The following PCDHGB2 variants were observed in gnomAD, a reference collection of about 807,000 sequenced individuals.
PCDHGB2 encodes protocadherin gamma-B2.
Under a neutral mutation model 59.3 loss-of-function variants are expected in PCDHGB2, and 55 were observed. That is an observed-to-expected ratio of 0.93 (90% confidence interval 0.75 to 1.16). PCDHGB2 has a LOEUF of 1.16. PCDHGB2 is among the 50% of genes most tolerant of loss of function. The pLI is 0.00. For missense variants in PCDHGB2, 1,228 were observed against 1,198.5 expected, an observed-to-expected ratio of 1.02 and a Z score of -0.36; for synonymous variants, 516 against 512.0, an observed-to-expected ratio of 1.01 and a Z score of -0.11.
chr5:141,376,072 C>G (rs755171325), intron 1 of PCDHGB2: 9 of 1,613,498 alleles, frequency 5.6e-6, no homozygotes, highest in Middle Eastern at 1.7e-4. Flanking sequence ...TCACCGTGGC[C>G]GTGGCCGACA....
At chr5:141,393,730 G>A in intron 1 of PCDHGB2, 1 of 1,613,842 alleles carries the variant, frequency 6.2e-7, no homozygotes, top group Non-Finnish European at 8.5e-7. Context: ...ATAGCAAAAA[G>A]TCTAGATTAT....
Position 141,481,023 on chromosome 5 carries a change from A to G in PCDHGB2, c.2422-13784A>G, listed in dbSNP as rs546827260. On this transcript the variant is annotated intron_variant, in intron 1 of 3. Transcript: ENST00000522605. ...CAGTGAGCCCAGATCACACCACTGC[A>G]CTCCAGCCTGGGCGACAGAGCGAGA... Among the ~76,000 whole-genome samples the G allele has an allele frequency of 9.0e-4, 137 of 152,218 alleles. 1 individual carries two copies. The highest frequency in any genetic ancestry group is 3.2e-3 in the African/African-American group (132 of 41,516).
intron 1 of PCDHGB2, chr5:141,403,598 G>T: frequency 6.2e-7 from 1 of 1,613,820 alleles, no homozygotes; most frequent in Non-Finnish European, 8.5e-7. Context: ...CACGGCCTCG[G>T]ATGGCGGCGA....
intron 1 of PCDHGB2, chr5:141,422,399 T>A: frequency 1.3e-6 from 2 of 1,598,374 alleles, no homozygotes; most frequent in Non-Finnish European, 1.7e-6. Context: ...CCTAACCACC[T>A]GCCTTTTAAA....
At chr5:141,394,001 G>C in intron 1 of PCDHGB2, 1 of 1,613,458 alleles carries the variant, frequency 6.2e-7, no homozygotes, top group Non-Finnish European at 8.5e-7. Flanking sequence ...AATTAGAAAA[G>C]TCAATAGGTA....
chr5:141,372,863 G>T, intron 1 of PCDHGB2: 2 of 1,395,300 alleles, frequency 1.4e-6, no homozygotes, highest in Non-Finnish European at 1.9e-6. Context: ...TCAATTCATT[G>T]ATTTAGAGAT....
At chr5:141,510,321 CA>C (rs1376271166) in intron 3 of PCDHGB2, among the ~76,000 whole-genome samples, 1 of 150,840 alleles carries the variant, frequency 6.6e-6, no homozygotes, top group Non-Finnish European at 1.5e-5. Context: ...CTTGGAAGAG[CA>C]CTCTTCACCC....
intron 1 of PCDHGB2, chr5:141,390,762 C>T (rs2092226751): frequency 6.0e-6 from 1 of 166,616 alleles, no homozygotes; most frequent in African/African-American, 2.4e-5. Context: ...GTTTTGTTTC[C>T]TGTGTTAACT....
intron 1 of PCDHGB2, among the ~76,000 whole-genome samples, chr5:141,363,259 A>G (rs1181731683): frequency 6.6e-6 from 1 of 152,244 alleles, no homozygotes; most frequent in Non-Finnish European, 1.5e-5. Context: ...AATATTACTT[A>G]AAACTTTGCT....
chr5:141,508,826 C>T (rs2099872187), intron 3 of PCDHGB2, among the ~76,000 whole-genome samples: 1 of 152,092 alleles, frequency 6.6e-6, no homozygotes, highest in South Asian at 2.1e-4. Context: ...AGATCTGGGC[C>T]CCCCTCCCCT....
At chr5:141,372,841 T>C (rs887025706) in intron 1 of PCDHGB2, 1 of 1,514,832 alleles carries the variant, frequency 6.6e-7, no homozygotes. Flanking sequence ...CTTCCATAAA[T>C]ATAATTGGGT....
At chr5:141,397,110 C>T (rs561188757) in intron 1 of PCDHGB2, among the ~76,000 whole-genome samples, 1 of 152,324 alleles carries the variant, frequency 6.6e-6, no homozygotes, top group African/African-American at 2.4e-5. Context: ...ATGCAATCCA[C>T]TAGAATATCC....
chr5:141,376,556 A>C, intron 1 of PCDHGB2: 1 of 1,611,100 alleles, frequency 6.2e-7, no homozygotes, highest in Non-Finnish European at 8.5e-7. Context: ...TCTTCCCGCA[A>C]CCCAACTAAT....
chr5:141,413,351 C>A (rs774333807), intron 1 of PCDHGB2: 6 of 1,613,932 alleles, frequency 3.7e-6, no homozygotes, highest in South Asian at 1.1e-5. Flanking sequence ...TTGGGTCTGG[C>A]GCCCCGGGAG....
At chr5:141,371,952 T>C (rs1377821829) in intron 1 of PCDHGB2, 1 of 1,613,142 alleles carries the variant, frequency 6.2e-7, no homozygotes, top group African/African-American at 1.3e-5. Flanking sequence ...GCAGCGAGCC[T>C]TCGACCACGA....
At chr5:141,413,520 A>G in intron 1 of PCDHGB2, 1 of 1,613,986 alleles carries the variant, frequency 6.2e-7, no homozygotes, top group Non-Finnish European at 8.5e-7. Flanking sequence ...TCCTTGTGGA[A>G]GACAGGGTGA....
At chr5:141,404,382 A>G (rs765708858) in intron 1 of PCDHGB2, 27 of 1,613,860 alleles carry the variant, frequency 1.7e-5, no homozygotes, top group South Asian at 1.2e-4. Context: ...GTGATTGCCT[A>G]TGACCCTGAT....
At chr5:141,418,409 G>T in intron 1 of PCDHGB2, 1 of 1,613,910 alleles carries the variant, frequency 6.2e-7, no homozygotes, top group Non-Finnish European at 8.5e-7. Flanking sequence ...GGTGGAGAAA[G>T]ACAATCCTGA....
intron 1 of PCDHGB2, among the ~76,000 whole-genome samples, chr5:141,449,543 C>T (rs377524476): frequency 2.7e-5 from 4 of 147,148 alleles, no homozygotes; most frequent in Non-Finnish European, 4.5e-5. Context: ...GAGCCGAGAT[C>T]GCACCACTGC....
Sources: allele counts gnomAD v4.1 joint callset (sites outside exome capture counted in the v4.1 genomes callset), GRCh38; gene constraint gnomAD v4.1.1; transcripts MANE v1.5; gene names NCBI Gene and HGNC (gene_info 2026-07-23, HGNC 2026-07-21).